PMFBP1: variants seen among roughly 807,000 people sequenced by gnomAD.
PMFBP1 encodes polyamine-modulated factor 1-binding protein 1.
In PMFBP1, 131 loss-of-function variants were observed where a neutral mutation model predicts 137.8. The ratio of observed to expected loss-of-function variants is 0.95; its 90% CI spans 0.82 to 1.10. The LOEUF (loss-of-function observed/expected upper bound fraction) is 1.10. PMFBP1 is among the 50% of genes least tolerant of loss of function. The probability of loss-of-function intolerance (pLI) is 0.00; values close to 1 mark genes in which losing one functional copy is unlikely to be tolerated. For missense variants in PMFBP1, 1,199 were observed against 1,175.4 expected, an observed-to-expected ratio of 1.02 and a Z score of -0.29; for synonymous variants, 490 against 450.4, an observed-to-expected ratio of 1.09 and a Z score of -1.11.
intron 4 of PMFBP1, 128 bp downstream of exon 4, chr16:72,154,082 AG>A: frequency 8.2e-7 from 1 of 1,214,724 alleles, no homozygotes; most frequent in East Asian, 2.4e-5. Context: ...TAAAGGGGGA[AG>A]GTTTATAAAA....
chr16:72,143,774 C>T (rs1400307497), intron 5 of PMFBP1, among the ~76,000 whole-genome samples: 2 of 151,736 alleles, frequency 1.3e-5, no homozygotes, highest in Non-Finnish European at 2.9e-5. Flanking sequence ...GGTGTGGTGG[C>T]TCATGCCTGT....
chr16:72,209,201 C>T, the PMFBP1 span, among the ~76,000 whole-genome samples: 38 of 152,160 alleles, frequency 2.5e-4, no homozygotes, highest in Middle Eastern at 3.2e-3. Context: ...GTCCAGAAAG[C>T]GACATGCACA....
the PMFBP1 span, among the ~76,000 whole-genome samples, chr16:72,192,423 G>C: frequency 6.6e-6 from 1 of 152,078 alleles, no homozygotes; most frequent in Non-Finnish European, 1.5e-5. Context: ...GGAACTTGCA[G>C]TTTCATGTAT....
rs2042889633 is a variant in PMFBP1 at position 72,150,739 on chromosome 16, C to T, written c.505G>A (p.Asp169Asn). 1.9e-6 allele frequency: 3 copies of T among 1,614,136 alleles called. No individual in the cohort carries two copies. Among genetic ancestry groups the T allele is most frequent in the Non-Finnish European group, 1.7e-6 (2 of 1,179,986 alleles). Reference protein sequence around the residue: ...LAQEQLALAGDKIASLERSLN... With the variant: ...LAQEQLALAGNKIASLERSLN... ...CTCCTCTCTAGAGAGGCGATCTTGT[C>T]CCCGGCCAAGGCGAGTTGCTCCTGC... is the stretch of plus-strand genomic sequence containing the variant. The change falls in exon 5 of 21, where the codon GAC (aspartate) becomes AAC (asparagine). Residue 169 changes from aspartate (D) to asparagine (N), a missense_variant. By Grantham distance (23) the Asp-to-Asn change is conservative (BLOSUM62 1). Coordinates refer to ENST00000237353, the MANE Select transcript of PMFBP1 (RefSeq NM_031293.3).
chr16:72,119,681 A>G (rs2042347229), intron 20 of PMFBP1, 170 bp downstream of exon 20: 2 of 1,455,290 alleles, frequency 1.4e-6, no homozygotes, highest in Middle Eastern at 2.1e-4. Flanking sequence ...AAGGGGTCTT[A>G]ATTTGCCTCC....
the PMFBP1 span, among the ~76,000 whole-genome samples, chr16:72,212,345 C>G: frequency 6.6e-6 from 1 of 152,022 alleles, no homozygotes; most frequent in Non-Finnish European, 1.5e-5. Flanking sequence ...TAAGAGAGAA[C>G]AGATAAGATA....
the PMFBP1 span, among the ~76,000 whole-genome samples, chr16:72,197,688 C>T: frequency 6.6e-6 from 1 of 152,196 alleles, no homozygotes; most frequent in Non-Finnish European, 1.5e-5. Flanking sequence ...CTCCCTCCAC[C>T]CCTTCTTTGT....
Position 72,167,582 on chromosome 16 carries a change from T to A in PMFBP1, c.13-2666A>T, listed in dbSNP as rs185340886. The stretch of plus-strand genomic sequence containing the variant: ...TCCTTAACTCGATGAAGAGTGGTAG[T>A]TTGATTCTGGTGCTTTGGATCCCTT... On this transcript the variant is annotated intron_variant, in intron 2 of 20. Transcript: ENST00000237353. 1.1e-3 allele frequency among the ~76,000 whole-genome samples: 168 copies of A among 152,310 alleles called. 1 individual carries two copies. The highest frequency in any genetic ancestry group is 4.9e-4 in the Non-Finnish European group (33 of 68,014).
intron 9 of PMFBP1, among the ~76,000 whole-genome samples, chr16:72,136,010 C>G (rs150954487): frequency 5.9e-5 from 9 of 152,076 alleles, no homozygotes; most frequent in African/African-American, 9.7e-5. Context: ...CCACCTTGGC[C>G]TCTTAAAGTG....
intron 3 of PMFBP1, chr16:72,164,470 A>G (rs867136528): frequency 1.4e-6 from 2 of 1,401,862 alleles, no homozygotes; most frequent in African/African-American, 2.9e-5. Flanking sequence ...ATGATCTGAT[A>G]TTTTCAGGGC....
chr16:72,148,485 G>A (rs1244254885), intron 5 of PMFBP1, among the ~76,000 whole-genome samples: 8 of 151,992 alleles, frequency 5.3e-5, no homozygotes, highest in East Asian at 1.9e-4. Context: ...AAACCTGCAC[G>A]TTGTGCACAT....
the PMFBP1 span, among the ~76,000 whole-genome samples, chr16:72,191,675 C>T: frequency 2.0e-5 from 3 of 151,976 alleles, no homozygotes; most frequent in Admixed American, 6.6e-5. Flanking sequence ...ATCTATTGTA[C>T]GTTCTGGTTC....
intron 20 of PMFBP1, 80 bp from the exon 21 acceptor site, chr16:72,119,434 C>T (rs1445425485): frequency 6.2e-7 from 1 of 1,611,776 alleles, no homozygotes; most frequent in Non-Finnish European, 8.5e-7. Flanking sequence ...GGCCGCATGG[C>T]CAGGCAGCTC....
chr16:72,249,602 T>C, the PMFBP1 span, among the ~76,000 whole-genome samples: 1 of 152,022 alleles, frequency 6.6e-6, no homozygotes, highest in African/African-American at 2.4e-5. Flanking sequence ...CTTGATCTGA[T>C]GTCTGAGTTC....
intron 14 of PMFBP1, among the ~76,000 whole-genome samples, chr16:72,126,738 T>C (rs1376431767): frequency 6.6e-6 from 1 of 152,242 alleles, no homozygotes; most frequent in African/African-American, 2.4e-5. Flanking sequence ...CTGGTAGAAG[T>C]GTGTTTAAAA....
chr16:72,118,082 A>G (rs767599630), downstream of PMFBP1, among the ~76,000 whole-genome samples: 19 of 152,380 alleles, frequency 1.2e-4, no homozygotes, highest in South Asian at 3.9e-3. Context: ...AGAGATTGTC[A>G]TTTTGGCCAA....
chr16:72,154,375 G>A lies in PMFBP1; in HGVS notation c.250C>T (p.Gln84Ter). ...SSKQCHLRQL[Q>*]QLKKKLLVLQ... The stretch of plus-strand genomic sequence containing the variant: ...ACCAGCAATTTTTTCTTCAGTTGCT[G>A]GAGTTGTCTCAGATGACACTGTTTA... Residue 84 changes from glutamine (Q) to a stop codon, truncating the protein, a stop_gained, in exon 4 of 21, where the codon CAG becomes TAG. Transcript: ENST00000237353. LOFTEE classifies it high-confidence loss of function. 6.2e-7 allele frequency: 1 copy of A among 1,614,126 alleles called. No individual in the cohort carries two copies. Among genetic ancestry groups the A allele is most frequent in the Non-Finnish European group, 8.5e-7 (1 of 1,180,014 alleles).
intron 5 of PMFBP1, among the ~76,000 whole-genome samples, chr16:72,142,552 G>T (rs2042739485): frequency 6.6e-6 from 1 of 152,172 alleles, no homozygotes; most frequent in Non-Finnish European, 1.5e-5. Flanking sequence ...GAAGACTTAA[G>T]GGAAGATGCT....
chr16:72,120,902 T>A (rs1282529674), intron 19 of PMFBP1, among the ~76,000 whole-genome samples: 2 of 152,102 alleles, frequency 1.3e-5, no homozygotes, highest in Non-Finnish European at 2.9e-5. Flanking sequence ...ACACAGGAGG[T>A]CTTATGAAGA....
Sources: gnomAD v4.1 joint callset for allele counts (sites outside exome capture counted in the v4.1 genomes callset) on GRCh38, gnomAD v4.1.1 for gene constraint, MANE v1.5 for transcripts, NCBI Gene and HGNC (gene_info 2026-07-23, HGNC 2026-07-21) for gene names.